RAD51B: variants seen among roughly 807,000 people sequenced by gnomAD.
The protein encoded by RAD51B is DNA repair protein RAD51 homolog 2.
Under a neutral mutation model 42.2 loss-of-function variants are expected in RAD51B, and 38 were observed. That is an observed-to-expected ratio of 0.90 (90% CI 0.70 to 1.18). RAD51B has a LOEUF of 1.18. RAD51B is among the 50% of genes most tolerant of loss of function. RAD51B has a pLI of 0.00. For missense variants in RAD51B, 373 were observed against 400.7 expected (o/e 0.93, Z 0.59); for synonymous variants, 154 against 145.2 (o/e 1.06, Z -0.43).
chr14:68,251,066 A>G (rs2080619398), intron 7 of RAD51B, among the ~76,000 whole-genome samples: 1 of 152,218 alleles, frequency 6.6e-6, no homozygotes, highest in African/African-American at 2.4e-5. Flanking sequence ...GCTGGACAAA[A>G]CAACTTTGTC....
chr14:67,841,339 C>G (rs1594982661), intron 4 of RAD51B, among the ~76,000 whole-genome samples: 1 of 152,096 alleles, frequency 6.6e-6, no homozygotes, highest in Admixed American at 6.5e-5. Flanking sequence ...TTGTCACATG[C>G]CTAGTTTGTG....
intron 9 of RAD51B, among the ~76,000 whole-genome samples, chr14:68,452,922 T>C (rs1165493799): frequency 6.6e-6 from 1 of 152,208 alleles, no homozygotes; most frequent in Admixed American, 6.5e-5. Flanking sequence ...CATTTTGTAA[T>C]AATGATGATT....
intron 10 of RAD51B, among the ~76,000 whole-genome samples, chr14:68,587,883 A>T (rs774307539): frequency 1.3e-5 from 2 of 152,246 alleles, no homozygotes; most frequent in Non-Finnish European, 2.9e-5. Context: ...AGAGGCAGAG[A>T]AATGCCAGCC....
Position 68,086,363 on chromosome 14 carries a change from C to A in RAD51B, c.756+199159C>A, listed in dbSNP as rs1349145661. 2.6e-5 allele frequency among the ~76,000 whole-genome samples: 4 copies of A among 152,126 alleles called. No individual in the cohort carries two copies. In the East Asian group the frequency reaches 7.7e-4, roughly 29 times the overall value. On this transcript the variant is annotated intron_variant, in intron 7 of 10. Coordinates refer to ENST00000471583, the MANE Select transcript of RAD51B (RefSeq NM_133510.4). The stretch of plus-strand genomic sequence containing the variant: ...CTCTCAACGTCCAGCCACCATGTGT[C>A]CGCCTGCTAGGGTCTCGGGGTTTTT...
intron 10 of RAD51B, among the ~76,000 whole-genome samples, chr14:68,604,555 C>T (rs1316375615): frequency 6.6e-6 from 1 of 152,208 alleles, no homozygotes; most frequent in African/African-American, 2.4e-5. Flanking sequence ...TCCATGTCCT[C>T]ATGGGTGTGC....
At chr14:68,539,042 A>G (rs1010980367) in intron 10 of RAD51B, among the ~76,000 whole-genome samples, 18 of 152,146 alleles carry the variant, frequency 1.2e-4, no homozygotes, top group Non-Finnish European at 2.2e-4. Context: ...CCATTAGCTA[A>G]GTGTAAATCC....
intron 10 of RAD51B, among the ~76,000 whole-genome samples, chr14:68,496,184 G>T (rs753272949): frequency 6.6e-6 from 1 of 152,176 alleles, no homozygotes; most frequent in African/African-American, 2.4e-5. Flanking sequence ...GTAAAAGGGG[G>T]CTACTGACAG....
Position 68,314,112 on chromosome 14 carries a change from G to C in RAD51B, c.853+22132G>C, listed in dbSNP as rs188515546. On this transcript the variant is annotated intron_variant, in intron 8 of 10. Coordinates refer to ENST00000471583, the MANE Select transcript of RAD51B (RefSeq NM_133510.4). The stretch of plus-strand genomic sequence containing the variant: ...TCAACTTCTGGCTTGGGGAGGGTTT[G>C]ATCAGAGTCATTCTCTCTTCAGAGA... Among the ~76,000 whole-genome samples the C allele has an allele frequency of 1.9e-3, 286 of 152,296 alleles. 6 individuals carry two copies. The highest frequency in any genetic ancestry group is 7.7e-4 in the East Asian group (4 of 5,184).
rs190197101 is a variant in RAD51B at position 68,291,445 on chromosome 14, G to A, written c.757-439G>A. Among the ~76,000 whole-genome samples, 995 of 151,724 alleles carry A rather than the reference G, an allele frequency of 6.6e-3. 7 individuals are homozygous for A. The highest frequency in any genetic ancestry group is 0.023 in the African/African-American group (942 of 41,344). ...TCAAACTCCTGACCTTAGGTGATCC[G>A]CCTGCCTCAGCCTCCCAAAGTGCTG... On this transcript the variant is annotated intron_variant, in intron 7 of 10. Transcript: ENST00000471583.
intron 7 of RAD51B, among the ~76,000 whole-genome samples, chr14:68,020,080 G>A (rs1239993882): frequency 6.6e-6 from 1 of 152,088 alleles, no homozygotes; most frequent in Admixed American, 6.6e-5. Context: ...ATCATAACAA[G>A]GTGATGAGCA....
chr14:68,594,269 GAC>G (rs1890887151), intron 10 of RAD51B, among the ~76,000 whole-genome samples: 1 of 152,202 alleles, frequency 6.6e-6, no homozygotes, highest in Admixed American at 6.5e-5. Flanking sequence ...GGAAAAGAGA[GAC>G]AGAGCAAGAG....
At chr14:67,952,121 A>G (rs1338676271) in intron 7 of RAD51B, among the ~76,000 whole-genome samples, 1 of 152,144 alleles carries the variant, frequency 6.6e-6, no homozygotes, top group Non-Finnish European at 1.5e-5. Flanking sequence ...TATGTTAGCA[A>G]CAGTATTGTC....
intron 8 of RAD51B, among the ~76,000 whole-genome samples, chr14:68,336,708 G>A (rs895735441): frequency 9.9e-5 from 15 of 152,200 alleles, no homozygotes; most frequent in Admixed American, 4.6e-4. Flanking sequence ...AGGTTTCTAG[G>A]ACCCAAATCA....
At chr14:68,455,072 C>T (rs929454924) in intron 9 of RAD51B, among the ~76,000 whole-genome samples, 2 of 150,728 alleles carry the variant, frequency 1.3e-5, no homozygotes, top group African/African-American at 4.9e-5. Context: ...CACACACAGG[C>T]TGAAAGATTT....
At chr14:68,038,772 G>T (rs2076172398) in intron 7 of RAD51B, among the ~76,000 whole-genome samples, 1 of 152,094 alleles carries the variant, frequency 6.6e-6, no homozygotes, top group African/African-American at 2.4e-5. Context: ...CAGAAATTTT[G>T]TGAGCCAGTT....
chr14:68,661,910 A>G (rs1365085639), intron 11 of RAD51B, among the ~76,000 whole-genome samples: 1 of 152,212 alleles, frequency 6.6e-6, no homozygotes, highest in Non-Finnish European at 1.5e-5. Flanking sequence ...AGGCTCTTCA[A>G]CATGACTACC....
At chr14:68,053,079 T>C (rs1027199517) in intron 7 of RAD51B, among the ~76,000 whole-genome samples, 7 of 152,226 alleles carry the variant, frequency 4.6e-5, no homozygotes, top group African/African-American at 1.7e-4. Flanking sequence ...TCAAATCTAC[T>C]GCTCATTTCA....
intron 10 of RAD51B, among the ~76,000 whole-genome samples, chr14:68,514,142 G>A (rs1327213975): frequency 6.6e-6 from 1 of 152,178 alleles, no homozygotes; most frequent in Admixed American, 6.5e-5. Flanking sequence ...CTGAGCCTCT[G>A]TTTTCTGATA....
At chr14:68,559,659 G>T (rs574413136) in intron 10 of RAD51B, among the ~76,000 whole-genome samples, 1 of 152,274 alleles carries the variant, frequency 6.6e-6, no homozygotes, top group Non-Finnish European at 1.5e-5. Flanking sequence ...GGTTACATGC[G>T]TGGGTCACTG....
Sources: gnomAD v4.1 joint callset for allele counts (sites outside exome capture counted in the v4.1 genomes callset) on GRCh38, gnomAD v4.1.1 for gene constraint, MANE v1.5 for transcripts, NCBI Gene and HGNC (gene_info 2026-07-23, HGNC 2026-07-21) for gene names.